The following GSN variants were observed in gnomAD, a reference collection of about 807,000 sequenced individuals.
GSN encodes the protein actin-depolymerizing factor.
In GSN, 56 loss-of-function variants were observed where a neutral mutation model predicts 85.7. The observed-to-expected ratio is 0.65, with a 90% CI of 0.53 to 0.82. The LOEUF (loss-of-function observed/expected upper bound fraction) is 0.82. Ranked by LOEUF, GSN falls within the 40% of genes least tolerant of loss-of-function variation. The probability of loss-of-function intolerance (pLI) is 0.00; values close to 1 mark genes in which losing one functional copy is unlikely to be tolerated. For synonymous variants in GSN, 373 were observed against 399.1 expected (o/e 0.93, Z 0.78); for missense variants, 857 against 979.8 (o/e 0.87, Z 1.67).
intron 5 of GSN, among the ~76,000 whole-genome samples, chr9:121,243,726 C>T (rs2054649029): frequency 6.6e-6 from 1 of 152,090 alleles, no homozygotes; most frequent in African/African-American, 2.4e-5. Context: ...TACAGGTGTG[C>T]ACCACCACGC....
At chr9:121,236,299 A>G (rs1174762424) in intron 5 of GSN, among the ~76,000 whole-genome samples, 1 of 151,960 alleles carries the variant, frequency 6.6e-6, no homozygotes. Flanking sequence ...GGCTTACTGC[A>G]GCCTCCACCT....
At chr9:121,217,724 C>G (rs2132096991) in intron 4 of GSN, among the ~76,000 whole-genome samples, 1 of 151,584 alleles carries the variant, frequency 6.6e-6, no homozygotes, top group East Asian at 1.9e-4. Context: ...TGGCACAATT[C>G]AGCCCACAAC....
chr9:121,305,847 C>T (rs1350581766), intron 4 of GSN, among the ~76,000 whole-genome samples: 1 of 152,222 alleles, frequency 6.6e-6, no homozygotes, highest in Non-Finnish European at 1.5e-5. Context: ...AGGTTCTCGC[C>T]CCGGCGCCCT....
In GSN at chr9:121,299,769, GT is replaced by G. The variant is rs2059590870; in HGVS notation, c.-9-2193del. On this transcript the variant is annotated intron_variant, in intron 2 of 17. Coordinates refer to ENST00000432226, the MANE Select transcript of GSN (RefSeq NM_198252.3). The surrounding 1 kb of genome is among the most constrained non-coding windows in gnomAD (Gnocchi z 4.2). ...CGCCCCGCGCCCTCCCTGGGGGGCG[GT>G]CCCCGGCTTGGGCGGGATGGGCGGG... The G allele has an allele frequency of 8.3e-7, 1 of 1,204,470 alleles. No individual in the cohort carries two copies. Among genetic ancestry groups the G allele is most frequent in the Non-Finnish European group, 1.0e-6 (1 of 961,262 alleles). The allele number at this position is 1,204,470 out of a possible 1,614,324, so 74.6% of individuals were successfully genotyped here.
chr9:121,261,797 C>G lies in GSN; in HGVS notation c.-340-3357C>G, dbSNP rs1019330534. On this transcript the variant is annotated intron_variant, in intron 6 of 24. Transcript: ENST00000373823. The surrounding 1 kb of genome is among the most constrained non-coding windows in gnomAD (Gnocchi z 4.1). Reference sequence around the variant, plus strand: ...TGACACCAGCCACTGTTGACAGAGCCCTTTATATGCCTGAGGCCTTGACAC... The same window carrying G: ...TGACACCAGCCACTGTTGACAGAGCGCTTTATATGCCTGAGGCCTTGACAC... 5.3e-5 allele frequency among the ~76,000 whole-genome samples: 8 copies of G among 152,118 alleles called. No individual in the cohort carries two copies. The highest frequency in any genetic ancestry group is 4.6e-4 in the Admixed American group (7 of 15,274).
intron 6 of GSN, among the ~76,000 whole-genome samples, chr9:121,252,879 T>C (rs2054869570): frequency 6.6e-6 from 1 of 152,122 alleles, no homozygotes; most frequent in African/African-American, 2.4e-5. Flanking sequence ...ACCCTGGAGG[T>C]GGAAAGTAGC....
chr9:121,222,208 T>A (rs1341235911), intron 4 of GSN: 1 of 152,248 alleles, frequency 6.6e-6, no homozygotes, highest in Admixed American at 6.5e-5. Flanking sequence ...ACCTCTGCCA[T>A]GATATCCTTT....
intron 5 of GSN, among the ~76,000 whole-genome samples, chr9:121,243,565 A>G (rs2054644899): frequency 6.6e-6 from 1 of 152,166 alleles, no homozygotes; most frequent in South Asian, 2.1e-4. Context: ...TATAATGTAC[A>G]TATAGTAAAA....
chr9:121,247,507 GT>G (rs1292225871), intron 5 of GSN, among the ~76,000 whole-genome samples: 1 of 152,150 alleles, frequency 6.6e-6, no homozygotes, highest in Non-Finnish European at 1.5e-5. Flanking sequence ...AACTGAAATC[GT>G]TTTTCTTCAT....
At chr9:121,239,066 G>T in intron 5 of GSN, 2 of 404,256 alleles carry the variant, frequency 4.9e-6, no homozygotes, top group Non-Finnish European at 9.7e-6. Flanking sequence ...TCGTTGGCAG[G>T]CATGGTAAGA....
intron 2 of GSN, chr9:121,282,918 GC>G (rs2057574619): frequency 5.1e-6 from 1 of 195,976 alleles, no homozygotes; most frequent in Non-Finnish European, 1.1e-5. Flanking sequence ...TCGCCTGAGA[GC>G]TTTGCTTATT....
chr9:121,232,944 T>G (rs1056551033), intron 5 of GSN, among the ~76,000 whole-genome samples: 5 of 152,232 alleles, frequency 3.3e-5, no homozygotes, highest in African/African-American at 1.2e-4. Context: ...GATAGAAGTT[T>G]TCATCCCTTG....
intron 1 of GSN, among the ~76,000 whole-genome samples, chr9:121,268,812 T>C (rs2055453672): frequency 6.6e-6 from 1 of 152,216 alleles, no homozygotes; most frequent in Non-Finnish European, 1.5e-5. Context: ...CGGAAGCTTC[T>C]TCTGGAGTTG....
intron 2 of GSN, among the ~76,000 whole-genome samples, chr9:121,295,175 T>A (rs2133014022): frequency 6.6e-6 from 1 of 152,314 alleles, no homozygotes; most frequent in African/African-American, 2.4e-5. Flanking sequence ...TCCTCACTGC[T>A]CCATGCTCTA....
rs79630438 is a variant in GSN, at chr9:121,302,941, C to T, written c.227C>T (p.Ala76Val). The T allele has an allele frequency of 1.1e-3, 1,802 of 1,613,902 alleles. 16 individuals carry two copies. The African/African-American group carries it at 0.021, about 19-fold the overall frequency. The change falls in exon 4 of 18, where the codon GCG (alanine) becomes GTG (valine). Residue 76 changes from alanine to valine, a missense_variant. Coordinates refer to ENST00000432226, the MANE Select transcript of GSN (RefSeq NM_198252.3). ...GNECSQDESG[A>V]AAIFTVQLDD... ...GAGTGCAGCCAGGATGAGAGCGGGGCGGCCGCCATCTTTACCGTGCAGCTG... is the reference window on the plus strand; with the variant it reads ...GAGTGCAGCCAGGATGAGAGCGGGGTGGCCGCCATCTTTACCGTGCAGCTG...
upstream of GSN, among the ~76,000 whole-genome samples, chr9:121,267,444 C>G (rs1442782404): frequency 6.6e-6 from 1 of 152,166 alleles, no homozygotes; most frequent in Admixed American, 6.5e-5. Flanking sequence ...GAGTCTTTTT[C>G]TCACTGAGTC....
chr9:121,206,842 C>T (rs567771476), upstream of GSN, among the ~76,000 whole-genome samples: 190 of 152,308 alleles, frequency 1.2e-3, no homozygotes, highest in Admixed American at 2.9e-3. Context: ...CTCCACCTCC[C>T]AGGCGCAGGC....
chr9:121,315,790 A>T (rs1470453979), intron 7 of GSN, among the ~76,000 whole-genome samples: 1 of 152,096 alleles, frequency 6.6e-6, no homozygotes, highest in African/African-American at 2.4e-5. Context: ...TAAAATAAAA[A>T]AAGAAAATAC....
In GSN at chr9:121,324,618, G is replaced by T; in HGVS notation, c.1390G>T (p.Glu464Ter). ...TGCCATCCTGACTGCTCAGCTGGAT[G>T]AGGAGCTGGGAGGTACCCCTGTCCA... is the stretch of plus-strand genomic sequence containing the variant. Reference protein sequence around the residue: ...ASAILTAQLDEELGGTPVQSR... With the variant: ...ASAILTAQLD Residue 464 changes from glutamate to a stop codon, truncating the protein, a stop_gained, in exon 12 of 18, where the codon GAG becomes TAG. Coordinates refer to ENST00000432226, the MANE Select transcript of GSN (RefSeq NM_198252.3). LOFTEE classifies it high-confidence loss of function. The T allele has an allele frequency of 6.5e-7, 1 of 1,540,542 alleles. No homozygotes were observed.
Sources: gnomAD v4.1 joint callset for allele counts (sites outside exome capture counted in the v4.1 genomes callset) on GRCh38, gnomAD v4.1.1 for gene constraint, Gnocchi (gnomAD v3.1) non-coding constraint, MANE v1.5 for transcripts, NCBI Gene and HGNC (gene_info 2026-07-23, HGNC 2026-07-21) for gene names.